CLEC10A: variants seen among roughly 807,000 people sequenced by gnomAD.
CLEC10A encodes the protein C-type lectin domain family 10 member A.
CLEC10A carries 38 observed loss-of-function variants against 42.0 expected under a neutral mutation model. The observed-to-expected ratio is 0.90, with a 90% CI of 0.70 to 1.18. The LOEUF is 1.18. CLEC10A is among the 50% of genes most tolerant of loss of function. The pLI, the probability that CLEC10A is intolerant of heterozygous loss-of-function variation, is 0.00. For synonymous variants in CLEC10A, 126 were observed against 139.9 expected, an observed-to-expected ratio of 0.90 and a Z score of 0.70; for missense variants, 298 against 345.9, an observed-to-expected ratio of 0.86 and a Z score of 1.10.
At position 7,078,960 on chromosome 17, in the gene CLEC10A, T is replaced by C. The variant is rs1056076600; in HGVS notation, c.-73-75A>G. On this transcript the variant is annotated intron_variant, in intron 1 of 8. Coordinates refer to ENST00000416562, the MANE Select transcript of CLEC10A (RefSeq NM_001330070.2). ...GTTGAGTTGGGAGATGAGGCTCAGG[T>C]TGAGAATGAGCCCAGGGTTAAGACG... The C allele has an allele frequency of 1.5e-5, 11 of 734,518 alleles. No individual in the cohort carries two copies. The African/African-American group carries it at 1.6e-4, about 10-fold the overall frequency. The allele number at this position is 734,518 out of a possible 1,614,324, so 45.5% of individuals were successfully genotyped here. A position where few individuals can be genotyped will look rare whatever the true frequency, so the allele number is the denominator to read the frequency against.
intron 2 of CLEC10A, 106 bp downstream of exon 2, chr17:7,078,638 CAG>C (rs1911997484): frequency 1.8e-6 from 2 of 1,085,934 alleles, no homozygotes; most frequent in East Asian, 4.7e-5. Context: ...CTGACCTCCT[CAG>C]AGTTAGGACC....
intron 3 of CLEC10A, among the ~76,000 whole-genome samples, chr17:7,077,280 C>CT (rs531470670): frequency 0.042 from 3,751 of 89,454 alleles, 96 homozygotes; most frequent in African/African-American, 0.074. Context: ...TCCATCAGTG[C>CT]CCCCCCACCA....
Position 7,078,768 on chromosome 17 carries a change from C to G in CLEC10A, c.45G>C (p.Val15=). The change falls in exon 2 of 9, where the codon GTG becomes GTC. Residue 15 remains valine, a synonymous_variant. Coordinates refer to ENST00000416562, the MANE Select transcript of CLEC10A (RefSeq NM_001330070.2). ...YENFQYLENK[V]KVQGFKNGPL... The stretch of plus-strand genomic sequence containing the variant: ...TACCATTTTTAAACCCCTGGACTTT[C>G]ACCTTATTCTCCAAGTACTGGAAGT... 6.2e-7 allele frequency: 1 copy of G among 1,614,184 alleles called. No individual in the cohort carries two copies. The highest frequency in any genetic ancestry group is 8.5e-7 in the Non-Finnish European group (1 of 1,180,030).
At position 7,075,407 on chromosome 17, in the gene CLEC10A, T is replaced by G; in HGVS notation, c.654A>C (p.Glu218Asp). The G allele has an allele frequency of 6.6e-7, 1 of 1,522,804 alleles. No individual in the cohort carries two copies. Among genetic ancestry groups the G allele is most frequent in the Non-Finnish European group, 8.8e-7 (1 of 1,138,652 alleles). The allele number at this position is 1,522,804 out of a possible 1,614,324, so 94.3% of individuals were successfully genotyped here. ...TTCCATCCACCCACTTCCAGGCTCC[T>G]TCAGGGTCACTGAGGCCCATCCAGG... ...AYTWMGLSDP[E>D]GAWKWVDGTD... Residue 218 changes from glutamate (E) to aspartate (D), a missense_variant, in exon 8 of 9, where the codon GAA (glutamate) becomes GAC (aspartate). Glu to Asp is a conservative substitution (Grantham distance 45). This residue lies in a region of CLEC10A where 267 missense variants were observed against 289.5 expected (regional missense o/e 0.92). Transcript: ENST00000416562.
intron 2 of CLEC10A, 54 bp downstream of exon 2, chr17:7,078,692 T>A: frequency 1.9e-6 from 3 of 1,545,112 alleles, no homozygotes; most frequent in Non-Finnish European, 2.7e-6. Context: ...ATAGGAGAAA[T>A]CCTTCTAAAC....
At chr17:7,079,408 C>A (rs991469915) in intron 1 of CLEC10A, among the ~76,000 whole-genome samples, 4 of 152,096 alleles carry the variant, frequency 2.6e-5, no homozygotes, top group South Asian at 4.2e-4. Flanking sequence ...CATGGTGAAA[C>A]CCCATCTCTA....
chr17:7,078,605 C>T, intron 2 of CLEC10A, 141 bp downstream of exon 2: 1 of 779,042 alleles, frequency 1.3e-6, no homozygotes, highest in Non-Finnish European at 2.2e-6. Flanking sequence ...CCTCTTCACA[C>T]TAGGCCCGTC....
In CLEC10A at chr17:7,076,756, C is replaced by A. The variant is rs757122782; in HGVS notation, c.329G>T (p.Gly110Val). 7.4e-6 allele frequency: 12 copies of A among 1,613,622 alleles called. No homozygotes were observed. The East Asian group carries it at 2.2e-4, about 30-fold the overall frequency. The change falls in exon 5 of 9, where the codon GGT (glycine) becomes GTT (valine). Residue 110 changes from glycine to valine, a missense_variant. Gly to Val is a moderately radical substitution (Grantham distance 109). Around this residue, in one of 3 missense-constraint regions of CLEC10A, gnomAD observed 267 missense variants for 289.5 expected, o/e 0.92. Coordinates refer to ENST00000416562, the MANE Select transcript of CLEC10A (RefSeq NM_001330070.2). ...ACCTGCCTGCCGTTCCTGCTTGAAA[C>A]CCTCCACCTCAGCTTTCAGAGATGC... ...TIASLKAEVE[G>V]FKQERQAVHS...
At position 7,075,842 on chromosome 17, in the gene CLEC10A, G is replaced by A. The variant is rs1295972889; in HGVS notation, c.483C>T (p.His161=). 3 of 1,614,000 alleles carry A rather than the reference G, an allele frequency of 1.9e-6. No homozygotes were observed. The highest frequency in any genetic ancestry group is 2.7e-5 in the African/African-American group (2 of 74,914). ...GTCCPVNWVE[H]QDSCYWFSHS... Reference sequence around the variant, plus strand: ...GAGAGAACCAGTAGCAGCTGTCTTGGTGCTCCACCCAGTTGACAGGGCAGC... The same window carrying A: ...GAGAGAACCAGTAGCAGCTGTCTTGATGCTCCACCCAGTTGACAGGGCAGC... The change falls in exon 7 of 9, where the codon CAC becomes CAT. Residue 161 remains histidine, a synonymous_variant. Transcript: ENST00000416562.
chr17:7,077,331 CATCAATCACTCCATCA>C (rs1911837458), intron 3 of CLEC10A, among the ~76,000 whole-genome samples: 1 of 139,756 alleles, frequency 7.2e-6, no homozygotes, highest in African/African-American at 2.6e-5. Flanking sequence ...TCACCATTCC[CATCAATCACTCCATCA>C]GTGCTCCGAC....
chr17:7,075,751 T>C lies in CLEC10A; in HGVS notation c.574A>G (p.Ile192Val). The change falls in exon 7 of 9, where the codon ATC (isoleucine) becomes GTC (valine). Residue 192 changes from isoleucine to valine, a missense_variant. Physicochemically the swap from Ile to Val is conservative, Grantham distance 29 (BLOSUM62 3). Coordinates refer to ENST00000416562, the MANE Select transcript of CLEC10A (RefSeq NM_001330070.2). ...CTCACCTGCTCCTCCCTGGAGTTGATGACCACCAGGTGGGCGTTCTTCAGC... is the reference window on the plus strand; with the variant it reads ...CTCACCTGCTCCTCCCTGGAGTTGACGACCACCAGGTGGGCGTTCTTCAGC... ...CQLKNAHLVV[I>V]NSREEQNFVQ... 6.2e-7 allele frequency: 1 copy of C among 1,614,226 alleles called. No individual in the cohort carries two copies. The highest frequency in any genetic ancestry group is 8.5e-7 in the Non-Finnish European group (1 of 1,180,038).
At chr17:7,079,014 A>G (rs1912026346) in intron 1 of CLEC10A, 129 bp from the exon 2 acceptor site, 2 of 606,388 alleles carry the variant, frequency 3.3e-6, no homozygotes, top group Admixed American at 5.7e-5. Flanking sequence ...CAGTCGAGTT[A>G]GAATTGGGGT....
chr17:7,076,915 T>C lies in CLEC10A; in HGVS notation c.257A>G (p.Glu86Gly). The C allele has an allele frequency of 6.2e-7, 1 of 1,613,984 alleles. No individual in the cohort carries two copies. The change falls in exon 4 of 9, where the codon GAG becomes GGG. Residue 86 changes from glutamate (E) to glycine (G), a missense_variant. Physicochemically the swap from Glu to Gly is moderately conservative, Grantham distance 98. This residue lies in a region of CLEC10A where 267 missense variants were observed against 289.5 expected (regional missense o/e 0.92). Coordinates refer to ENST00000416562, the MANE Select transcript of CLEC10A (RefSeq NM_001330070.2). ...ACCCTGGGAAGTCAGTGCCTGGATC[T>C]CCGCCACAGTGTTTGAGGTGAAGTT... ...FSNFTSNTVA[E>G]IQALTSQGSS...
Position 7,074,979 on chromosome 17 carries a change from T to G in CLEC10A, c.*75A>C. On this transcript the variant is annotated 3_prime_UTR_variant, in exon 9 of 9. Coordinates refer to ENST00000416562, the MANE Select transcript of CLEC10A (RefSeq NM_001330070.2). The stretch of plus-strand genomic sequence containing the variant: ...AGTGCTTATTTCTCTCCCAGAGCGG[T>G]CTTGCGAGGAGGTCGTGAGAAGAGT... 7.9e-7 allele frequency: 1 copy of G among 1,259,980 alleles called. No homozygotes were observed. The highest frequency in any genetic ancestry group is 1.1e-6 in the Non-Finnish European group (1 of 942,630). 78.1% of individuals were successfully genotyped at this position (1,259,980 alleles called of 1,614,324 possible).
chr17:7,077,956 C>T (rs775769521), intron 3 of CLEC10A, 41 bp downstream of exon 3: 2 of 1,452,544 alleles, frequency 1.4e-6, no homozygotes, highest in East Asian at 4.5e-5. Context: ...ATCTTCTACC[C>T]CATTATTTCT....
chr17:7,076,024 T>G lies in CLEC10A; in HGVS notation c.400A>C (p.Lys134Gln), dbSNP rs562808668. ...LRVQQLVQDL[K>Q]KLTCQVATLN... ...GTAGCCACCTGGCAGGTCAGTTTCTTCAGGTCTTGCACCAGCTGCTGGACT... is the reference window on the plus strand; with the variant it reads ...GTAGCCACCTGGCAGGTCAGTTTCTGCAGGTCTTGCACCAGCTGCTGGACT... Residue 134 changes from lysine to glutamine, a missense_variant, in exon 6 of 9, where the codon AAG becomes CAG. By Grantham distance (53) the Lys-to-Gln change is moderately conservative (BLOSUM62 1). Transcript: ENST00000416562. 6 of 1,614,184 alleles carry G rather than the reference T, an allele frequency of 3.7e-6. No homozygotes were observed. The East Asian group carries it at 1.3e-4, about 36-fold the overall frequency.
At position 7,075,196 on chromosome 17, in the gene CLEC10A, T is replaced by C. The variant is rs140942315; in HGVS notation, c.728A>G (p.Asp243Gly). The C allele has an allele frequency of 1.9e-6, 3 of 1,559,290 alleles. No individual in the cohort carries two copies. In the African/African-American group the frequency reaches 4.1e-5, roughly 22 times the overall value. ...TCCACCCAGCCCGTGCCCCTGCCAGTCGTCTGGCTGGCCTGGCTTCCAGTT... is the reference window on the plus strand; with the variant it reads ...TCCACCCAGCCCGTGCCCCTGCCAGCCGTCTGGCTGGCCTGGCTTCCAGTT... Reference protein sequence around the residue: ...FQNWKPGQPDDWQGHGLGGGE... With the variant: ...FQNWKPGQPDGWQGHGLGGGE... The change falls in exon 9 of 9, where the codon GAC (aspartate) becomes GGC (glycine). Residue 243 changes from aspartate (D) to glycine (G), a missense_variant. By Grantham distance (94) the Asp-to-Gly change is moderately conservative. Around this residue, in one of 3 missense-constraint regions of CLEC10A, gnomAD observed 267 missense variants for 289.5 expected, o/e 0.92. Coordinates refer to ENST00000416562, the MANE Select transcript of CLEC10A (RefSeq NM_001330070.2).
At position 7,078,799 on chromosome 17, in the gene CLEC10A, T is replaced by A; in HGVS notation, c.14A>T (p.Tyr5Phe). The change falls in exon 2 of 9, where the codon TAT becomes TTT. Residue 5 changes from tyrosine to phenylalanine, a missense_variant. Tyr to Phe is a conservative substitution (Grantham distance 22). Transcript: ENST00000416562. MTRT[Y>F]ENFQYLENKV... Reference sequence around the variant, plus strand: ...ATTCTCCAAGTACTGGAAGTTTTCATACGTCCTTGTCATGCTTGGGCCAAC... The same window carrying A: ...ATTCTCCAAGTACTGGAAGTTTTCAAACGTCCTTGTCATGCTTGGGCCAAC... 1 of 1,614,154 alleles carries A rather than the reference T, an allele frequency of 6.2e-7. No individual in the cohort carries two copies. The highest frequency in any genetic ancestry group is 1.1e-5 in the South Asian group (1 of 91,088).
chr17:7,077,497 A>G (rs948183309), intron 3 of CLEC10A, among the ~76,000 whole-genome samples: 33 of 18,268 alleles, frequency 1.8e-3, no homozygotes, highest in Non-Finnish European at 2.2e-3. Context: ...AGTGACCCCC[A>G]CCACCATTCC....
Sources: gnomAD v4.1 joint callset for allele counts (sites outside exome capture counted in the v4.1 genomes callset) on GRCh38, gnomAD v4.1.1 for gene constraint, gnomAD v4.1.1 regional missense constraint, MANE v1.5 for transcripts, NCBI Gene and HGNC (gene_info 2026-07-23, HGNC 2026-07-21) for gene names.